ERC1: variants seen among roughly 807,000 people sequenced by gnomAD.
The protein encoded by ERC1 is ELKS/RAB6-interacting/CAST family member 1.
In ERC1, 56 loss-of-function variants were observed where a neutral mutation model predicts 132.0. The ratio of observed to expected loss-of-function variants is 0.42; its 90% CI spans 0.34 to 0.53. ERC1 has a LOEUF of 0.53. Ranked by LOEUF, ERC1 falls within the 20% of genes least tolerant of loss-of-function variation. The pLI is 0.03. For synonymous variants in ERC1, 478 were observed against 476.1 expected (o/e 1.00, Z -0.05); for missense variants, 1,202 against 1,349.9 (o/e 0.89, Z 1.72).
intron 18 of ERC1, among the ~76,000 whole-genome samples, chr12:1,456,166 C>T (rs76194668): frequency 0.02 from 3,067 of 152,270 alleles, 57 homozygotes; most frequent in Non-Finnish European, 0.034. Context: ...ATAAAGTGAA[C>T]GTGGTGACCA....
chr12:1,266,201 T>G (rs1283620474), intron 14 of ERC1, among the ~76,000 whole-genome samples: 1 of 152,094 alleles, frequency 6.6e-6, no homozygotes, highest in Non-Finnish European at 1.5e-5. Flanking sequence ...TGTTTTCTTG[T>G]CCACCTTTCT....
At chr12:1,277,535 T>G (rs1028829040) in intron 14 of ERC1, among the ~76,000 whole-genome samples, 1 of 152,242 alleles carries the variant, frequency 6.6e-6, no homozygotes, top group African/African-American at 2.4e-5. Context: ...ATATCCTAAA[T>G]TCATTTTCTT....
At chr12:1,169,338 A>G (rs1021389384) in intron 8 of ERC1, among the ~76,000 whole-genome samples, 11 of 152,262 alleles carry the variant, frequency 7.2e-5, no homozygotes, top group South Asian at 2.1e-4. Context: ...CCCGAGGGCA[A>G]GCCCCCTCCC....
chr12:1,185,884 C>G (rs973312670), intron 11 of ERC1, among the ~76,000 whole-genome samples: 3 of 152,126 alleles, frequency 2.0e-5, no homozygotes, highest in Non-Finnish European at 4.4e-5. Context: ...AGGACTGCTT[C>G]TCTTTGCTTT....
chr12:1,064,594 A>G (rs1425773352), intron 2 of ERC1, among the ~76,000 whole-genome samples: 7 of 152,134 alleles, frequency 4.6e-5, no homozygotes, highest in Middle Eastern at 3.4e-3. Context: ...GGGTCTTGCT[A>G]TGTTGCCCAG....
At position 1,478,589 on chromosome 12, in the gene ERC1, C is replaced by G. The variant is rs888343893; in HGVS notation, c.3214-11504C>G. ...CGGGTGGATCACGAGGTCAGGAGAT[C>G]GAGACCATCCTGGCTAACACGGTGA... On this transcript the variant is annotated intron_variant, in intron 18 of 18. Coordinates refer to ENST00000360905, the MANE Select transcript of ERC1 (RefSeq NM_178040.4). 2.6e-5 allele frequency among the ~76,000 whole-genome samples: 4 copies of G among 151,868 alleles called. No homozygotes were observed. In the East Asian group the frequency reaches 5.8e-4, roughly 22 times the overall value.
At chr12:1,081,493 T>C (rs1339874577) in intron 2 of ERC1, among the ~76,000 whole-genome samples, 1 of 152,234 alleles carries the variant, frequency 6.6e-6, no homozygotes, top group Non-Finnish European at 1.5e-5. Flanking sequence ...TTTGGAGTTT[T>C]CTTTTTTTCT....
chr12:1,143,672 T>C (rs1950072109), intron 8 of ERC1, among the ~76,000 whole-genome samples: 3 of 152,090 alleles, frequency 2.0e-5, no homozygotes, highest in Admixed American at 2.0e-4. Context: ...TGTTGCATTT[T>C]TTATTGGGAG....
intron 7 of ERC1, among the ~76,000 whole-genome samples, chr12:1,140,924 C>G (rs532293722): frequency 6.6e-6 from 1 of 152,184 alleles, no homozygotes; most frequent in South Asian, 2.1e-4. Context: ...TAACAATTTT[C>G]GGCTTGAAAA....
intron 18 of ERC1, among the ~76,000 whole-genome samples, chr12:1,447,971 A>G (rs1315575434): frequency 6.6e-6 from 1 of 152,168 alleles, no homozygotes; most frequent in Non-Finnish European, 1.5e-5. Flanking sequence ...GAAATGGAAA[A>G]GATATTTTTG....
chr12:1,079,900 T>C (rs577188252), intron 2 of ERC1, among the ~76,000 whole-genome samples: 12 of 151,842 alleles, frequency 7.9e-5, no homozygotes, highest in African/African-American at 2.7e-4. Context: ...TGACAAAAGT[T>C]GATATACAAA....
chr12:1,185,951 C>T (rs1179299948), intron 11 of ERC1, among the ~76,000 whole-genome samples: 1 of 152,166 alleles, frequency 6.6e-6, no homozygotes, highest in Non-Finnish European at 1.5e-5. Flanking sequence ...GTTTCGCTAA[C>T]ACATTAAAAT....
At chr12:1,174,630 A>G (rs1397965034) in intron 8 of ERC1, among the ~76,000 whole-genome samples, 1 of 152,238 alleles carries the variant, frequency 6.6e-6, no homozygotes, top group African/African-American at 2.4e-5. Context: ...CAGATGATGG[A>G]GTAGAAAGAA....
intron 1 of ERC1, among the ~76,000 whole-genome samples, chr12:1,021,642 T>C (rs1290263489): frequency 6.7e-6 from 1 of 148,682 alleles, no homozygotes; most frequent in Non-Finnish European, 1.5e-5. Context: ...GAGCTTGCAG[T>C]GAGCCCAGAT....
chr12:1,217,627 A>G (rs1958547885), intron 12 of ERC1, among the ~76,000 whole-genome samples: 1 of 152,170 alleles, frequency 6.6e-6, no homozygotes, highest in Admixed American at 6.5e-5. Context: ...GCTCTGGCCA[A>G]CACCTCCTGT....
intron 1 of ERC1, among the ~76,000 whole-genome samples, chr12:994,320 TG>T (rs1480827302): frequency 1.3e-5 from 2 of 152,134 alleles, no homozygotes; most frequent in Non-Finnish European, 2.9e-5. Context: ...GAATATAATT[TG>T]TTTTTTTTTC....
At chr12:1,481,213 A>G (rs974524456) in intron 18 of ERC1, among the ~76,000 whole-genome samples, 2 of 152,224 alleles carry the variant, frequency 1.3e-5, no homozygotes, top group African/African-American at 4.8e-5. Context: ...AAGGGAAACC[A>G]TGGACAAGGG....
At chr12:1,218,819 C>CATATATATATATAT (rs369422257) in intron 12 of ERC1, among the ~76,000 whole-genome samples, 4 of 148,484 alleles carry the variant, frequency 2.7e-5, no homozygotes, top group African/African-American at 7.5e-5. Context: ...GTCCTATTCT[C>CATATATATATATAT]ATATATATAT....
At chr12:1,318,763 AG>A (rs1594965850) in intron 15 of ERC1, among the ~76,000 whole-genome samples, 1 of 151,968 alleles carries the variant, frequency 6.6e-6, no homozygotes, top group East Asian at 1.9e-4. Context: ...ATTTATGCAG[AG>A]TTGCAAGTGA....
Sources: allele counts gnomAD v4.1 joint callset (sites outside exome capture counted in the v4.1 genomes callset), GRCh38; gene constraint gnomAD v4.1.1; transcripts MANE v1.5; gene names NCBI Gene and HGNC (gene_info 2026-07-23, HGNC 2026-07-21).